TRIO: variants seen among roughly 807,000 people sequenced by gnomAD.
TRIO encodes the protein trio Rho guanine nucleotide exchange factor, also known as triple functional domain protein.
Under a neutral mutation model 351.9 loss-of-function variants are expected in TRIO, and 58 were observed. That is an observed-to-expected ratio of 0.16 (90% confidence interval 0.13 to 0.21). The LOEUF (loss-of-function observed/expected upper bound fraction) is 0.21, where lower values mean the gene tolerates loss of function less well. Among genes scored for constraint, TRIO ranks in the 10% least tolerant of loss-of-function variants. TRIO has a pLI of 1.00. For synonymous variants in TRIO, 1,758 were observed against 1,595.7 expected (o/e 1.10, Z -2.42); for missense variants, 3,201 against 4,027.8 (o/e 0.79, Z 5.56).
At chr5:14,392,639 C>T (rs1049865906) in intron 27 of TRIO, among the ~76,000 whole-genome samples, 8 of 152,224 alleles carry the variant, frequency 5.3e-5, no homozygotes, top group East Asian at 1.9e-4. Flanking sequence ...ACGTTTATTG[C>T]GGCACTGTTC....
chr5:14,505,782 C>T (rs983903461), intron 55 of TRIO, among the ~76,000 whole-genome samples: 10 of 152,198 alleles, frequency 6.6e-5, no homozygotes, highest in Non-Finnish European at 1.2e-4. Context: ...CATGGCTGCA[C>T]AGCTAGAACC....
intron 1 of TRIO, among the ~76,000 whole-genome samples, chr5:14,161,900 G>A (rs944371360): frequency 1.3e-5 from 2 of 152,090 alleles, no homozygotes; most frequent in African/African-American, 4.8e-5. Flanking sequence ...CTAGTTTTTT[G>A]TAGAAATGGG....
intron 3 of TRIO, among the ~76,000 whole-genome samples, chr5:14,285,089 T>C (rs1456131239): frequency 1.3e-5 from 2 of 152,084 alleles, no homozygotes; most frequent in Non-Finnish European, 2.9e-5. Context: ...TGCCTCTAGG[T>C]TTCATGAAGG....
At chr5:14,489,762 C>A (rs1376230882) in intron 48 of TRIO, among the ~76,000 whole-genome samples, 1 of 152,244 alleles carries the variant, frequency 6.6e-6, no homozygotes, top group Non-Finnish European at 1.5e-5. Context: ...ATCCTGAATG[C>A]TGTCTCTGAG....
intron 7 of TRIO, among the ~76,000 whole-genome samples, chr5:14,302,061 CCT>C (rs1561312190): frequency 6.6e-6 from 1 of 152,210 alleles, no homozygotes; most frequent in East Asian, 1.9e-4. Flanking sequence ...TAATCAGTGC[CCT>C]CTCAGGATAC....
intron 20 of TRIO, among the ~76,000 whole-genome samples, chr5:14,380,832 A>C (rs551097817): frequency 6.6e-6 from 1 of 152,232 alleles, no homozygotes; most frequent in Non-Finnish European, 1.5e-5. Context: ...GCCCATCAGC[A>C]ATAGACTGGA....
At chr5:14,437,265 C>T (rs1751658583) in intron 34 of TRIO, among the ~76,000 whole-genome samples, 1 of 152,148 alleles carries the variant, frequency 6.6e-6, no homozygotes, top group African/African-American at 2.4e-5. Flanking sequence ...AATTGCTAAC[C>T]CATACTCATG....
chr5:14,219,477 C>T (rs547742003), intron 1 of TRIO, among the ~76,000 whole-genome samples: 8 of 152,182 alleles, frequency 5.3e-5, no homozygotes, highest in Non-Finnish European at 8.8e-5. Context: ...ATGCTGCCCG[C>T]GTGTTTGGAT....
At position 14,381,008 on chromosome 5, in the gene TRIO, G is replaced by A. The variant is rs1043440164; in HGVS notation, c.3448-122G>A. 5.3e-6 allele frequency: 7 copies of A among 1,314,962 alleles called. No homozygotes were observed. In the African/African-American group the frequency reaches 8.8e-5, roughly 17 times the overall value. 81.5% of individuals were successfully genotyped at this position (1,314,962 alleles called of 1,614,324 possible). ...TTAAGAAACTTGCCTCTCTGGGAGG[G>A]AATGCTTCTCGATGCTGCCAGCCTT... On this transcript the variant is annotated intron_variant, in intron 20 of 56. Transcript: ENST00000344204.
At chr5:14,165,386 T>A (rs1426247017) in intron 1 of TRIO, among the ~76,000 whole-genome samples, 2 of 152,218 alleles carry the variant, frequency 1.3e-5, no homozygotes, top group African/African-American at 4.8e-5. Context: ...GTTCCTGTGT[T>A]AATTAAGATT....
chr5:14,442,686 G>A (rs967257845), intron 34 of TRIO, among the ~76,000 whole-genome samples: 3 of 152,170 alleles, frequency 2.0e-5, no homozygotes, highest in Admixed American at 6.5e-5. Context: ...GGTCCCTCGG[G>A]GACCCTGTGC....
intron 1 of TRIO, among the ~76,000 whole-genome samples, chr5:14,153,103 G>GA (rs1787929225): frequency 6.6e-6 from 1 of 152,210 alleles, no homozygotes; most frequent in Non-Finnish European, 1.5e-5. Flanking sequence ...CAAAGAGCTG[G>GA]AAGCCTTCGA....
Position 14,437,374 on chromosome 5 carries a change from G to A in TRIO, c.5203+17353G>A, listed in dbSNP as rs1451977213. On this transcript the variant is annotated intron_variant, in intron 34 of 56. Transcript: ENST00000344204. ...AGTTGTTTTCTTCCCCACCCACCTC[G>A]GGGTGATGTTGTTCAGCTGGGTTCA... Among the ~76,000 whole-genome samples the A allele has an allele frequency of 4.6e-5, 7 of 152,160 alleles. No homozygotes were observed. The East Asian group carries it at 5.8e-4, about 13-fold the overall frequency.
chr5:14,313,267 A>G (rs1739085394), intron 8 of TRIO, among the ~76,000 whole-genome samples: 1 of 152,142 alleles, frequency 6.6e-6, no homozygotes, highest in Non-Finnish European at 1.5e-5. Flanking sequence ...GAGTTGTTTT[A>G]TGTTAAGGTA....
At chr5:14,458,154 A>C (rs1056161738) in intron 34 of TRIO, among the ~76,000 whole-genome samples, 1 of 151,308 alleles carries the variant, frequency 6.6e-6, no homozygotes, top group African/African-American at 2.4e-5. Flanking sequence ...CACGGGCCAC[A>C]CTCATAGTTC....
chr5:14,209,781 T>C (rs562708582), intron 1 of TRIO, among the ~76,000 whole-genome samples: 12 of 152,264 alleles, frequency 7.9e-5, no homozygotes, highest in African/African-American at 2.9e-4. Flanking sequence ...TCAACAAAAT[T>C]GACAGTATTG....
At chr5:14,459,408 CT>C (rs1357622194) in intron 34 of TRIO, among the ~76,000 whole-genome samples, 2 of 152,218 alleles carry the variant, frequency 1.3e-5, no homozygotes, top group Non-Finnish European at 2.9e-5. Context: ...CACCGTTCTG[CT>C]TTCTAAAGTT....
intron 8 of TRIO, among the ~76,000 whole-genome samples, chr5:14,308,781 C>G (rs1395622565): frequency 1.4e-5 from 1 of 70,698 alleles, no homozygotes; most frequent in East Asian, 2.8e-4. Context: ...ATTCATCTAT[C>G]CAACCAACCA....
At chr5:14,228,717 A>C (rs970790808) in intron 1 of TRIO, among the ~76,000 whole-genome samples, 1 of 152,174 alleles carries the variant, frequency 6.6e-6, no homozygotes. Context: ...GGCTTTTTAG[A>C]ACCTTACTTG....
Sources: allele counts gnomAD v4.1 joint callset (sites outside exome capture counted in the v4.1 genomes callset), GRCh38; gene constraint gnomAD v4.1.1; transcripts MANE v1.5; gene names NCBI Gene and HGNC (gene_info 2026-07-23, HGNC 2026-07-21).